SSH2: variants seen among roughly 807,000 people sequenced by gnomAD.
SSH2 encodes the protein slingshot protein phosphatase 2, also known as protein phosphatase Slingshot homolog 2.
Under a neutral mutation model 135.2 loss-of-function variants are expected in SSH2, and 37 were observed. The observed-to-expected ratio is 0.27, with a 90% CI of 0.21 to 0.36. SSH2 has a LOEUF of 0.36. Ranked by LOEUF, SSH2 falls within the 10% of genes least tolerant of loss-of-function variation. SSH2 has a pLI of 1.00. For synonymous variants in SSH2, 628 were observed against 646.2 expected, an observed-to-expected ratio of 0.97 and a Z score of 0.43; for missense variants, 1,408 against 1,765.3, an observed-to-expected ratio of 0.80 and a Z score of 3.63.
intron 3 of SSH2, among the ~76,000 whole-genome samples, chr17:29,712,546 G>A (rs1255878304): frequency 3.3e-5 from 5 of 152,222 alleles, no homozygotes; most frequent in Admixed American, 2.0e-4. Context: ...GCTCACGCCT[G>A]TAATCTCAGT....
At chr17:29,760,227 A>C (rs1302832154) in intron 3 of SSH2, among the ~76,000 whole-genome samples, 1 of 152,212 alleles carries the variant, frequency 6.6e-6, no homozygotes, top group African/African-American at 2.4e-5. Context: ...GTTGTTGGAC[A>C]TTAAAAAGTT....
intron 2 of SSH2, among the ~76,000 whole-genome samples, chr17:29,809,435 T>C (rs2042403359): frequency 6.6e-6 from 1 of 152,184 alleles, no homozygotes; most frequent in African/African-American, 2.4e-5. Context: ...CAGGTGAATT[T>C]TGCTGTACTT....
intron 2 of SSH2, among the ~76,000 whole-genome samples, chr17:29,810,677 C>T (rs1217513629): frequency 6.6e-6 from 1 of 152,156 alleles, no homozygotes; most frequent in African/African-American, 2.4e-5. Flanking sequence ...ATTTCTGGGC[C>T]TTCTAGGCAA....
chr17:29,825,657 A>C (rs1221337390), intron 2 of SSH2, among the ~76,000 whole-genome samples: 2 of 152,200 alleles, frequency 1.3e-5, no homozygotes, highest in African/African-American at 4.8e-5. Context: ...ACATGGCTGC[A>C]AATCAGGCTT....
intron 2 of SSH2, among the ~76,000 whole-genome samples, chr17:29,832,668 C>A (rs141375593): frequency 2.7e-3 from 409 of 151,854 alleles, no homozygotes; most frequent in Middle Eastern, 0.01. Context: ...TTTTGGTTTT[C>A]CAGTTTTTTC....
intron 1 of SSH2, among the ~76,000 whole-genome samples, chr17:29,854,874 G>C (rs1177387950): frequency 1.3e-5 from 2 of 152,098 alleles, no homozygotes; most frequent in Admixed American, 1.3e-4. Flanking sequence ...TTGAACCCAG[G>C]AGGCAGAGGT....
At chr17:29,925,014 GAAAGAGATATA>G (rs960252983) in intron 1 of SSH2, among the ~76,000 whole-genome samples, 3 of 152,124 alleles carry the variant, frequency 2.0e-5, no homozygotes, top group African/African-American at 7.2e-5. Flanking sequence ...TCACATCATG[GAAAGAGATATA>G]AACCAGGAGC....
chr17:29,790,039 C>A (rs544868177), intron 3 of SSH2, among the ~76,000 whole-genome samples: 2 of 152,174 alleles, frequency 1.3e-5, no homozygotes, highest in Non-Finnish European at 2.9e-5. Context: ...AAACTTTGGA[C>A]TTTAGGCTTC....
rs1239676476 is a variant in SSH2 at position 29,636,471 on chromosome 17, G to A, written c.1759C>T (p.Leu587=). 3 of 1,614,072 alleles carry A rather than the reference G, an allele frequency of 1.9e-6. No homozygotes were observed. The African/African-American group carries it at 4.0e-5, about 22-fold the overall frequency. Residue 587 remains leucine (L), a synonymous_variant, in exon 15 of 16, where the codon CTG becomes TTG. Transcript: ENST00000540801. ...DINGCSSGCC[L]NESKFPLDNC... ...TCAAGAGGAAATTTTGATTCATTCAGACAACACCCTGATGAGCATCCATTG... is the reference window on the plus strand; with the variant it reads ...TCAAGAGGAAATTTTGATTCATTCAAACAACACCCTGATGAGCATCCATTG...
intron 3 of SSH2, among the ~76,000 whole-genome samples, chr17:29,790,926 G>A (rs527376452): frequency 2.0e-5 from 3 of 151,510 alleles, no homozygotes; most frequent in Non-Finnish European, 2.9e-5. Context: ...ACAGGATTTC[G>A]CCATGTTGGC....
intron 1 of SSH2, among the ~76,000 whole-genome samples, chr17:29,849,148 C>T (rs1288393529): frequency 1.3e-5 from 2 of 152,132 alleles, no homozygotes; most frequent in Non-Finnish European, 2.9e-5. Context: ...TATGGTTTCC[C>T]GATTTGGGGA....
At chr17:29,868,589 T>A (rs1266379611) in intron 1 of SSH2, among the ~76,000 whole-genome samples, 1 of 151,986 alleles carries the variant, frequency 6.6e-6, no homozygotes, top group Non-Finnish European at 1.5e-5. Flanking sequence ...ATACAAAAAA[T>A]TAGCTGGGCG....
chr17:29,661,061 C>CAAAAAAAAAAAA (rs374216221), intron 11 of SSH2, among the ~76,000 whole-genome samples: 1 of 48,330 alleles, frequency 2.1e-5, no homozygotes, highest in African/African-American at 6.7e-5. Context: ...AATTCCATCT[C>CAAAAAAAAAAAA]AAAAAAAAAA....
chr17:29,739,077 C>T (rs1199032556), intron 3 of SSH2, among the ~76,000 whole-genome samples: 1 of 152,212 alleles, frequency 6.6e-6, no homozygotes, highest in East Asian at 1.9e-4. Flanking sequence ...GAAGTTCTCA[C>T]ATGGACTAAG....
intron 4 of SSH2, among the ~76,000 whole-genome samples, chr17:29,701,842 A>T (rs1226432941): frequency 6.6e-6 from 1 of 151,038 alleles, no homozygotes; most frequent in Non-Finnish European, 1.5e-5. Flanking sequence ...AAATGCTAGG[A>T]TTACAGGTGT....
chr17:29,853,622 A>G lies in SSH2; in HGVS notation c.64-4693T>C, dbSNP rs955083372. ...CTCATATTCTTGCATTGGATGTATCAAGCCCAAATCTTAACTAAACTGAGT... is the reference window on the plus strand; with the variant it reads ...CTCATATTCTTGCATTGGATGTATCGAGCCCAAATCTTAACTAAACTGAGT... On this transcript the variant is annotated intron_variant, in intron 1 of 15. Transcript: ENST00000540801. Among the ~76,000 whole-genome samples the G allele has an allele frequency of 2.0e-5, 3 of 151,876 alleles. 1 individual carries two copies. Among genetic ancestry groups the G allele is most frequent in the African/African-American group, 7.3e-5 (3 of 41,206 alleles).
intron 1 of SSH2, among the ~76,000 whole-genome samples, chr17:29,855,409 G>T (rs566600311): frequency 8.9e-4 from 136 of 152,248 alleles, no homozygotes; most frequent in African/African-American, 3.1e-3. Flanking sequence ...GGGGGCTGAG[G>T]TCGGAGGATC....
At chr17:29,861,075 T>G (rs1378779413) in intron 1 of SSH2, among the ~76,000 whole-genome samples, 2 of 150,464 alleles carry the variant, frequency 1.3e-5, no homozygotes, top group Admixed American at 6.7e-5. Context: ...GAGTTTTTTG[T>G]TTTTTTTTCT....
chr17:29,895,809 A>G (rs1281415904), intron 1 of SSH2, among the ~76,000 whole-genome samples: 3 of 61,680 alleles, frequency 4.9e-5, no homozygotes, highest in Non-Finnish European at 8.7e-5. Context: ...CATGTATAAA[A>G]TGTATTTTAT....
Sources: gnomAD v4.1 joint callset for allele counts (sites outside exome capture counted in the v4.1 genomes callset) on GRCh38, gnomAD v4.1.1 for gene constraint, MANE v1.5 for transcripts, NCBI Gene and HGNC (gene_info 2026-07-23, HGNC 2026-07-21) for gene names.